Variants in RIC3 observed in about 807,000 individuals in gnomAD.
RIC3 encodes RIC3 acetylcholine receptor chaperone.
A neutral mutation model predicts 27.3 loss-of-function variants in RIC3; 28 were observed. That is an observed-to-expected ratio of 1.02 (90% CI 0.76 to 1.41). The LOEUF is 1.41. RIC3 is among the 40% of genes most tolerant of loss of function. The probability of loss-of-function intolerance (pLI) is 0.00; values close to 1 mark genes in which losing one functional copy is unlikely to be tolerated. For synonymous variants in RIC3, 184 were observed against 160.4 expected, an observed-to-expected ratio of 1.15 and a Z score of -1.11; for missense variants, 501 against 444.7, an observed-to-expected ratio of 1.13 and a Z score of -1.14.
intron 1 of RIC3, among the ~76,000 whole-genome samples, chr11:8,148,893 G>C (rs113821908): frequency 6.6e-6 from 1 of 151,800 alleles, no homozygotes; most frequent in Non-Finnish European, 1.5e-5. Flanking sequence ...AAAAAAAAGA[G>C]GAGTTGGCTG....
At chr11:8,103,002 G>A (rs1305145248), downstream of RIC3, 1 of 152,282 alleles carries the variant, frequency 6.6e-6, no homozygotes, top group Admixed American at 6.5e-5. Context: ...AACCATTCCA[G>A]TAGGAAATCA....
At chr11:8,146,995 G>A (rs918558045) in intron 1 of RIC3, among the ~76,000 whole-genome samples, 1 of 152,128 alleles carries the variant, frequency 6.6e-6, no homozygotes, top group Admixed American at 6.5e-5. Context: ...AATTGGTCCT[G>A]GCAAATCTGC....
the RIC3 span, chr11:8,096,609 G>A: frequency 1.4e-5 from 14 of 970,710 alleles, no homozygotes; most frequent in Admixed American, 1.0e-4. Flanking sequence ...CTGAACATGA[G>A]TATGTGACCA....
At chr11:8,137,160 G>A (rs531026895) in intron 4 of RIC3, among the ~76,000 whole-genome samples, 3 of 152,302 alleles carry the variant, frequency 2.0e-5, no homozygotes, top group Middle Eastern at 6.8e-3. Flanking sequence ...GAGTAGCTGG[G>A]ATTGCAGGTG....
intron 1 of RIC3, among the ~76,000 whole-genome samples, chr11:8,153,996 C>A (rs1444538664): frequency 1.3e-5 from 2 of 152,160 alleles, no homozygotes; most frequent in African/African-American, 4.8e-5. Context: ...GTAGCAACCT[C>A]ACCTCTTGGA....
intron 1 of RIC3, among the ~76,000 whole-genome samples, chr11:8,156,315 T>A (rs1289304068): frequency 6.6e-6 from 1 of 152,216 alleles, no homozygotes; most frequent in African/African-American, 2.4e-5. Context: ...TTCAGTCAGT[T>A]ACTGGTTAAG....
chr11:8,094,318 C>A, the RIC3 span: 1 of 1,232,132 alleles, frequency 8.1e-7, no homozygotes, highest in Non-Finnish European at 1.1e-6. Flanking sequence ...CAGACTGCCA[C>A]TCTGGGCACC....
intron 1 of RIC3, among the ~76,000 whole-genome samples, chr11:8,167,995 T>C (rs1167506552): frequency 6.6e-6 from 1 of 152,110 alleles, no homozygotes; most frequent in Non-Finnish European, 1.5e-5. Context: ...TGGATTACAG[T>C]TCAAAAGGAG....
At chr11:8,139,815 TC>T in intron 2 of RIC3, 151 bp downstream of exon 2, 1 of 685,956 alleles carries the variant, frequency 1.5e-6, no homozygotes, top group South Asian at 2.0e-5. Context: ...ATAATGGCTA[TC>T]CTAAGTACCT....
downstream of RIC3, chr11:8,101,145 C>A (rs747246826): frequency 5.3e-5 from 53 of 1,008,124 alleles, no homozygotes; most frequent in African/African-American, 6.5e-5. Context: ...ACTTTCTAAC[C>A]CTAATGACTG....
the RIC3 span, among the ~76,000 whole-genome samples, chr11:8,093,475 T>C: frequency 0.014 from 2,203 of 152,236 alleles, 45 homozygotes; most frequent in African/African-American, 0.051. Context: ...GGTTCTGCAG[T>C]ATGGAGAATT....
intron 1 of RIC3, 56 bp downstream of exon 1, chr11:8,168,810 G>A: frequency 1.9e-6 from 3 of 1,567,868 alleles, no homozygotes; most frequent in African/African-American, 1.4e-5. Flanking sequence ...CCCTCAAGCA[G>A]CGTTCTCCGT....
Position 8,106,688 on chromosome 11 carries a change from CT to C in RIC3, c.*4009del, listed in dbSNP as rs11309018. ...ACAGGACCTCGAGATGCTTAGGAAT[CT>C]TTTTTTGTTGCCGGGCAGCTGTGGC... On this transcript the variant is annotated 3_prime_UTR_variant, in exon 6 of 6. Coordinates refer to ENST00000309737, the MANE Select transcript of RIC3 (RefSeq NM_001206671.4). 152,441 of 152,450 alleles carry C rather than the reference CT, an allele frequency of 1. 76,216 individuals carry two copies. Among genetic ancestry groups the C allele is most frequent in the Middle Eastern group, 1 (294 of 294 alleles). 9.4% of individuals were successfully genotyped at this position (152,450 alleles called of 1,614,324 possible). A position where few individuals can be genotyped will look rare whatever the true frequency, so the allele number is the denominator to read the frequency against.
intron 1 of RIC3, among the ~76,000 whole-genome samples, chr11:8,164,239 A>G (rs1165090932): frequency 4.6e-5 from 7 of 152,220 alleles, no homozygotes; most frequent in Non-Finnish European, 1.5e-5. Context: ...TTGAAAACAT[A>G]GGCATAAATC....
At position 8,168,912 on chromosome 11, in the gene RIC3, G is replaced by A; in HGVS notation, c.78C>T (p.Ala26=). The A allele has an allele frequency of 1.9e-6, 3 of 1,612,140 alleles. No homozygotes were observed. Among genetic ancestry groups the A allele is most frequent in the Non-Finnish European group, 2.5e-6 (3 of 1,179,166 alleles). ...VLALSLLLPK[A]FLSRGKRQEP... is the part of the protein sequence containing the mutation. ...CCTGCCGCTTCCCGCGGGACAGGAA[G>A]GCCTTGGGCAGCAGCAGCGACAGAG... The change falls in exon 1 of 6, where the codon GCC becomes GCT. Residue 26 remains alanine, a synonymous_variant. Transcript: ENST00000309737.
At chr11:8,116,531 G>A (rs899802598) in intron 5 of RIC3, among the ~76,000 whole-genome samples, 2 of 152,128 alleles carry the variant, frequency 1.3e-5, no homozygotes, top group African/African-American at 4.8e-5. Flanking sequence ...TTGATAATGG[G>A]TTAATATGCA....
chr11:8,095,453 C>A, the RIC3 span: 1 of 1,564,310 alleles, frequency 6.4e-7, no homozygotes, highest in Non-Finnish European at 8.7e-7. Flanking sequence ...CCAGGCCCTC[C>A]TCTCCTCCTC....
At chr11:8,154,696 A>T (rs1324250220) in intron 1 of RIC3, among the ~76,000 whole-genome samples, 1 of 152,068 alleles carries the variant, frequency 6.6e-6, no homozygotes, top group Admixed American at 6.6e-5. Flanking sequence ...ATTATTTTCA[A>T]TTTTTCTCTA....
At chr11:8,100,322 G>C in the RIC3 span, among the ~76,000 whole-genome samples, 1 of 152,208 alleles carries the variant, frequency 6.6e-6, no homozygotes, top group African/African-American at 2.4e-5. Context: ...AGAGGAGCTA[G>C]TTCTGGCAGG....
Sources: allele counts gnomAD v4.1 joint callset (sites outside exome capture counted in the v4.1 genomes callset), GRCh38; gene constraint gnomAD v4.1.1; transcripts MANE v1.5; gene names NCBI Gene and HGNC (gene_info 2026-07-23, HGNC 2026-07-21).